The following CAMTA1 variants were observed in gnomAD, a reference collection of about 807,000 sequenced individuals.
CAMTA1 encodes calmodulin-binding transcription activator 1.
CAMTA1 carries 27 observed loss-of-function variants against 170.9 expected under a neutral mutation model. That is an observed-to-expected ratio of 0.16 (90% confidence interval 0.12 to 0.22). The LOEUF is 0.22. CAMTA1 is among the 10% of genes least tolerant of loss of function. The pLI is 1.00. For missense variants in CAMTA1, 1,619 were observed against 2,217.2 expected (o/e 0.73, Z 5.42); for synonymous variants, 833 against 891.5 (o/e 0.93, Z 1.17).
At chr1:7,475,918 C>T (rs2093413120) in intron 6 of CAMTA1, among the ~76,000 whole-genome samples, 1 of 152,198 alleles carries the variant, frequency 6.6e-6, no homozygotes, top group Non-Finnish European at 1.5e-5. Flanking sequence ...GCCCAAGGTG[C>T]ACACATGTGC....
intron 3 of CAMTA1, among the ~76,000 whole-genome samples, chr1:6,928,069 G>A (rs1277189475): frequency 6.6e-6 from 1 of 152,122 alleles, no homozygotes; most frequent in Non-Finnish European, 1.5e-5. Flanking sequence ...CTCCTGCCTG[G>A]GGCATCAGCC....
intron 22 of CAMTA1, among the ~76,000 whole-genome samples, chr1:7,764,807 A>T (rs2097005095): frequency 1.3e-5 from 2 of 152,062 alleles, no homozygotes; most frequent in Admixed American, 1.3e-4. Context: ...TAAAAATACA[A>T]AAATTAGCTA....
At chr1:7,525,078 G>T (rs561460653) in intron 6 of CAMTA1, among the ~76,000 whole-genome samples, 4 of 152,284 alleles carry the variant, frequency 2.6e-5, no homozygotes, top group Non-Finnish European at 1.5e-5. Context: ...CCGCCCCCGC[G>T]TCGGCCCCCG....
chr1:6,826,148 A>C (rs1175182872), intron 3 of CAMTA1, among the ~76,000 whole-genome samples: 2 of 152,212 alleles, frequency 1.3e-5, no homozygotes, highest in Non-Finnish European at 1.5e-5. Flanking sequence ...TTTGGCGCTA[A>C]CTACTTCCTG....
At position 7,197,543 on chromosome 1, in the gene CAMTA1, C is replaced by G. The variant is rs76713510; in HGVS notation, c.303-51948C>G. On this transcript the variant is annotated intron_variant, in intron 4 of 22. Transcript: ENST00000303635. ...CCCTGGGACCAGGGGGATGACTGTT[C>G]TCTGTTTTAGGAACCTGCGTGTGGG... Among the ~76,000 whole-genome samples, 506 of 151,424 alleles carry G rather than the reference C, an allele frequency of 3.3e-3. 3 individuals carry two copies. Among genetic ancestry groups the G allele is most frequent in the African/African-American group, 0.011 (473 of 41,206 alleles).
At chr1:7,327,764 C>G (rs2149721551) in intron 5 of CAMTA1, among the ~76,000 whole-genome samples, 1 of 152,306 alleles carries the variant, frequency 6.6e-6, no homozygotes, top group South Asian at 2.1e-4. Context: ...TCTTACATCT[C>G]AGACCTTCCT....
At chr1:7,719,205 G>A (rs1218916493) in intron 11 of CAMTA1, among the ~76,000 whole-genome samples, 9 of 152,164 alleles carry the variant, frequency 5.9e-5, no homozygotes, top group African/African-American at 1.4e-4. Context: ...TGGCTCCTGC[G>A]TGGTGGAGGT....
intron 3 of CAMTA1, among the ~76,000 whole-genome samples, chr1:6,995,593 C>T (rs1697134857): frequency 6.6e-6 from 1 of 152,140 alleles, no homozygotes; most frequent in Admixed American, 6.5e-5. Flanking sequence ...TGAGCCACCG[C>T]ACCTGGCCTA....
chr1:7,190,244 G>A (rs572895183), intron 4 of CAMTA1, among the ~76,000 whole-genome samples: 15 of 152,076 alleles, frequency 9.9e-5, no homozygotes, highest in Admixed American at 3.3e-4. Context: ...ACTTACTCAC[G>A]TAACCAAATA....
At chr1:7,233,256 C>A (rs1218513348) in intron 4 of CAMTA1, among the ~76,000 whole-genome samples, 2 of 152,146 alleles carry the variant, frequency 1.3e-5, no homozygotes, top group African/African-American at 4.8e-5. Context: ...CACGGAAGCA[C>A]CAGGCACCAT....
rs1202135567 is a variant in CAMTA1 at position 7,609,705 on chromosome 1, C to T, written c.511-30695C>T. On this transcript the variant is annotated intron_variant, in intron 6 of 22. Transcript: ENST00000303635. This position sits in a 1 kb window ranked among gnomAD's most constrained non-coding sequence, Gnocchi z 4.4. ...TCCCCTGGACCCCAGATCTCTTCCA[C>T]CCACAGGTGGTGTGACCTTGAGCAG... Among the ~76,000 whole-genome samples the T allele has an allele frequency of 6.6e-6, 1 of 152,228 alleles. No individual in the cohort carries two copies. The highest frequency in any genetic ancestry group is 1.9e-4 in the East Asian group (1 of 5,178).
chr1:7,464,116 T>G (rs1298794708), intron 5 of CAMTA1, among the ~76,000 whole-genome samples: 1 of 152,220 alleles, frequency 6.6e-6, no homozygotes, highest in Non-Finnish European at 1.5e-5. Context: ...ATTCAAAGGT[T>G]GCTTTCATCT....
rs1290486833 is a variant in CAMTA1 at position 7,173,329 on chromosome 1, T to G, written c.303-76162T>G. On this transcript the variant is annotated intron_variant, in intron 4 of 22. Coordinates refer to ENST00000303635, the MANE Select transcript of CAMTA1 (RefSeq NM_015215.4). This position sits in a 1 kb window ranked among gnomAD's most constrained non-coding sequence, Gnocchi z 5.4. The stretch of plus-strand genomic sequence containing the variant: ...GCGGGGTGCAGGGCCTGGCCGTGAC[T>G]GAGGCTCCACGAACGCTGGCTCCCT... Among the ~76,000 whole-genome samples, 2 of 152,156 alleles carry G rather than the reference T, an allele frequency of 1.3e-5. No homozygotes were observed. The highest frequency in any genetic ancestry group is 2.9e-5 in the Non-Finnish European group (2 of 68,032).
chr1:6,831,035 G>T (rs1473648745), intron 3 of CAMTA1, among the ~76,000 whole-genome samples: 2 of 151,162 alleles, frequency 1.3e-5, no homozygotes, highest in East Asian at 4.0e-4. Context: ...GGCCAGGATG[G>T]TCTCGATCTC....
intron 6 of CAMTA1, among the ~76,000 whole-genome samples, chr1:7,551,936 C>T (rs1221277640): frequency 6.6e-6 from 1 of 151,142 alleles, no homozygotes; most frequent in Non-Finnish European, 1.5e-5. Flanking sequence ...CCAGTGTAGA[C>T]CTCAGCCAGG....
At chr1:7,356,132 C>T (rs1214625624) in intron 5 of CAMTA1, among the ~76,000 whole-genome samples, 2 of 152,206 alleles carry the variant, frequency 1.3e-5, no homozygotes, top group South Asian at 2.1e-4. Context: ...CATGGAAGCC[C>T]GAGGTGTCCC....
At position 7,496,332 on chromosome 1, in the gene CAMTA1, C is replaced by T. The variant is rs999188995; in HGVS notation, c.510+28431C>T. On this transcript the variant is annotated intron_variant, in intron 6 of 22. Coordinates refer to ENST00000303635, the MANE Select transcript of CAMTA1 (RefSeq NM_015215.4). ...GAGCTCGTGACTTTCCGGGTATGGGCGTGGCCTGCAGACAGGGATTTGAAC... is the reference window on the plus strand; with the variant it reads ...GAGCTCGTGACTTTCCGGGTATGGGTGTGGCCTGCAGACAGGGATTTGAAC... Among the ~76,000 whole-genome samples, 5 of 152,144 alleles carry T rather than the reference C, an allele frequency of 3.3e-5. No individual in the cohort carries two copies. The East Asian group carries it at 7.7e-4, about 24-fold the overall frequency.
chr1:7,220,923 C>T (rs1660635036), intron 4 of CAMTA1, among the ~76,000 whole-genome samples: 1 of 152,208 alleles, frequency 6.6e-6, no homozygotes, highest in Non-Finnish European at 1.5e-5. Context: ...CTCCTGCCTC[C>T]CGCTCCCTAG....
rs1274734829 is a variant in CAMTA1 at position 7,293,595 on chromosome 1, T to G, written c.438+43969T>G. Among the ~76,000 whole-genome samples, 2 of 152,228 alleles carry G rather than the reference T, an allele frequency of 1.3e-5. No individual in the cohort carries two copies. Among genetic ancestry groups the G allele is most frequent in the African/African-American group, 2.4e-5 (1 of 41,458 alleles). On this transcript the variant is annotated intron_variant, in intron 5 of 22. Coordinates refer to ENST00000303635, the MANE Select transcript of CAMTA1 (RefSeq NM_015215.4). The surrounding 1 kb of genome is among the most constrained non-coding windows in gnomAD (Gnocchi z 4.1). The stretch of plus-strand genomic sequence containing the variant: ...CTACAGTTTGTATAATTTGGTGGTC[T>G]GTTTTCATCTTTTACAAGCAAAATG...
Sources: allele counts gnomAD v4.1 joint callset (sites outside exome capture counted in the v4.1 genomes callset), GRCh38; gene constraint gnomAD v4.1.1; non-coding constraint Gnocchi (gnomAD v3.1); transcripts MANE v1.5; gene names NCBI Gene and HGNC (gene_info 2026-07-23, HGNC 2026-07-21).